The following SYS1 variants were observed in gnomAD, a reference collection of about 807,000 sequenced individuals.
The protein encoded by SYS1 is protein SYS1 homolog.
Under a neutral mutation model 17.8 loss-of-function variants are expected in SYS1, and 8 were observed. The ratio of observed to expected loss-of-function variants is 0.45; its 90% CI spans 0.26 to 0.81. SYS1 has a LOEUF of 0.81. Ranked by LOEUF, SYS1 falls within the 40% of genes least tolerant of loss-of-function variation. The pLI is 0.16. For synonymous variants in SYS1, 95 were observed against 90.9 expected, an observed-to-expected ratio of 1.05 and a Z score of -0.26; for missense variants, 161 against 203.9, an observed-to-expected ratio of 0.79 and a Z score of 1.28.
rs1340671997 is a variant in SYS1, at chr20:45,367,366, A to G, written c.*251A>G. 7.4e-7 allele frequency: 1 copy of G among 1,345,218 alleles called. No individual in the cohort carries two copies. The highest frequency in any genetic ancestry group is 3.1e-5 in the East Asian group (1 of 32,628). 83.3% of individuals were successfully genotyped at this position (1,345,218 alleles called of 1,614,324 possible). On this transcript the variant is annotated 3_prime_UTR_variant, in exon 4 of 4. Coordinates refer to ENST00000243918, the MANE Select transcript of SYS1 (RefSeq NM_033542.4). ...CAGGAAGGGGACCTCTTTGAGGGTAATAACAGAATTGGAACCATGCCACTC... is the reference window on the plus strand; with the variant it reads ...CAGGAAGGGGACCTCTTTGAGGGTAGTAACAGAATTGGAACCATGCCACTC...
chr20:45,371,715 A>C (rs1215293474), downstream of SYS1, among the ~76,000 whole-genome samples: 2 of 152,204 alleles, frequency 1.3e-5, no homozygotes. Flanking sequence ...TGTGAATGTA[A>C]ACGTACGTTT....
At position 45,368,026 on chromosome 20, in the gene SYS1, G is replaced by T; in HGVS notation, c.*911G>T. 2.0e-6 allele frequency: 2 copies of T among 985,518 alleles called. No homozygotes were observed. The highest frequency in any genetic ancestry group is 2.4e-6 in the Non-Finnish European group (2 of 830,028). 61.0% of individuals were successfully genotyped at this position (985,518 alleles called of 1,614,324 possible). A position where few individuals can be genotyped will look rare whatever the true frequency, so the allele number is the denominator to read the frequency against. On this transcript the variant is annotated 3_prime_UTR_variant, in exon 4 of 4. Coordinates refer to ENST00000243918, the MANE Select transcript of SYS1 (RefSeq NM_033542.4). ...ATAGTGCTGAGGGAGATAGGAATTTGCTGCTAAGATTTTTCTTTGGGGTGG... is the reference window on the plus strand; with the variant it reads ...ATAGTGCTGAGGGAGATAGGAATTTTCTGCTAAGATTTTTCTTTGGGGTGG...
At chr20:45,374,220 C>A (rs1185650338) in intron 3 of SYS1, 3 of 682,530 alleles carry the variant, frequency 4.4e-6, no homozygotes, top group East Asian at 5.4e-5. Context: ...GAAAGGGCTG[C>A]GGTATTTTCT....
At chr20:45,374,157 T>C, downstream of SYS1, 5 of 726,574 alleles carry the variant, frequency 6.9e-6, no homozygotes, top group East Asian at 1.3e-4. Context: ...CCCTTTAAGC[T>C]AGACCCGGTG....
At chr20:45,362,844 G>A (rs977913238), upstream of SYS1, among the ~76,000 whole-genome samples, 8 of 152,180 alleles carry the variant, frequency 5.3e-5, no homozygotes, top group African/African-American at 1.9e-4. Context: ...AAAACATTGA[G>A]AATTTAGGCT....
At chr20:45,375,258 T>G (rs760680260) in exon 4 of SYS1, 9 of 1,614,010 alleles carry the variant, frequency 5.6e-6, no homozygotes, top group Non-Finnish European at 7.6e-6. Context: ...TGAAGATGAC[T>G]CGGGGGCCCT....
exon 4 of SYS1, chr20:45,375,489 G>T (rs147626011): frequency 6.2e-7 from 1 of 1,611,432 alleles, no homozygotes; most frequent in Non-Finnish European, 8.5e-7. Flanking sequence ...GTTCCTTCTC[G>T]GAGCACCCGA....
At chr20:45,375,235 C>A in exon 4 of SYS1, 1 of 1,614,138 alleles carries the variant, frequency 6.2e-7, no homozygotes, top group Non-Finnish European at 8.5e-7. Context: ...AGTTCTATTG[C>A]GGTAGGGCTT....
At chr20:45,371,029 C>T (rs572711835), downstream of SYS1, among the ~76,000 whole-genome samples, 13 of 152,266 alleles carry the variant, frequency 8.5e-5, no homozygotes, top group African/African-American at 2.9e-4. Flanking sequence ...TAGAGAGCTG[C>T]AGTGGAGTGC....
rs1389041409 is a variant in SYS1 at position 45,367,894 on chromosome 20, C to T, written c.*779C>T. On this transcript the variant is annotated 3_prime_UTR_variant, in exon 4 of 4. Coordinates refer to ENST00000243918, the MANE Select transcript of SYS1 (RefSeq NM_033542.4). ...TAGGAATGACCAGGCACCCAGCTCC[C>T]ACTGGACTCCAATTTTTTTTCCTGC... is the stretch of plus-strand genomic sequence containing the variant. 1.0e-6 allele frequency: 1 copy of T among 985,674 alleles called. No individual in the cohort carries two copies. The highest frequency in any genetic ancestry group is 1.7e-5 in the African/African-American group (1 of 57,238). The allele number at this position is 985,674 out of a possible 1,614,324, so 61.1% of individuals were successfully genotyped here.
intron 1 of SYS1, 77 bp from the exon 2 acceptor site, chr20:45,363,451 TC>T: frequency 6.7e-7 from 1 of 1,500,880 alleles, no homozygotes; most frequent in Non-Finnish European, 8.9e-7. Context: ...ACCCCTTGGT[TC>T]CAGTCCCTCC....
chr20:45,362,355 A>T (rs1600742084), upstream of SYS1, among the ~76,000 whole-genome samples: 1 of 7,876 alleles, frequency 1.3e-4, no homozygotes, highest in African/African-American at 7.5e-4. Context: ...AATTTTATTT[A>T]TTTATTTATT....
At chr20:45,371,844 G>A (rs1351199128), downstream of SYS1, among the ~76,000 whole-genome samples, 3 of 152,342 alleles carry the variant, frequency 2.0e-5, no homozygotes, top group Non-Finnish European at 4.4e-5. Flanking sequence ...GTGGTGTGGC[G>A]TGGGAAAAGG....
exon 4 of SYS1, chr20:45,374,339 C>T: frequency 2.9e-6 from 2 of 681,020 alleles, no homozygotes; most frequent in South Asian, 3.2e-5. Flanking sequence ...GTGGCGAAGT[C>T]ACAGCTCACT....
chr20:45,370,318 C>G (rs1988535274), downstream of SYS1, among the ~76,000 whole-genome samples: 1 of 152,180 alleles, frequency 6.6e-6, no homozygotes, highest in Admixed American at 6.5e-5. Flanking sequence ...TACTAGCCCA[C>G]TACTGAGTTG....
At position 45,363,229 on chromosome 20, in the gene SYS1, C is replaced by G; in HGVS notation, c.-90C>G. The G allele has an allele frequency of 8.7e-7, 1 of 1,153,892 alleles. No homozygotes were observed. The highest frequency in any genetic ancestry group is 1.1e-6 in the Non-Finnish European group (1 of 932,014). 71.5% of individuals were successfully genotyped at this position (1,153,892 alleles called of 1,614,324 possible). A position where few individuals can be genotyped will look rare whatever the true frequency, so the allele number is the denominator to read the frequency against. ...CTCTAGGCCGGCAGCGCCTCTCCTCCATGGTCCTGTCTGTCAGCGCTGTTT... is the reference window on the plus strand; with the variant it reads ...CTCTAGGCCGGCAGCGCCTCTCCTCGATGGTCCTGTCTGTCAGCGCTGTTT... On this transcript the variant is annotated 5_prime_UTR_variant, in exon 1 of 4. Transcript: ENST00000243918.
chr20:45,364,465 C>CTTGTT (rs1988338178), intron 2 of SYS1, among the ~76,000 whole-genome samples: 1 of 80,130 alleles, frequency 1.2e-5, no homozygotes, highest in Non-Finnish European at 2.2e-5. Context: ...GAGCACAGTT[C>CTTGTT]TTTTTTTTTT....
downstream of SYS1, among the ~76,000 whole-genome samples, chr20:45,369,596 C>CTTT (rs573922300): frequency 6.9e-3 from 707 of 102,804 alleles, 17 homozygotes; most frequent in African/African-American, 0.026. Context: ...CAGAGATTTC[C>CTTT]TTTTTTTTTT....
rs1433416823 is a variant in SYS1 at position 45,368,918 on chromosome 20, G to A, written c.*1803G>A. 9.3e-6 allele frequency: 9 copies of A among 969,280 alleles called. No homozygotes were observed. The highest frequency in any genetic ancestry group is 1.1e-5 in the Non-Finnish European group (9 of 815,240). 60.0% of individuals were successfully genotyped at this position (969,280 alleles called of 1,614,324 possible). A position where few individuals can be genotyped will look rare whatever the true frequency, so the allele number is the denominator to read the frequency against. On this transcript the variant is annotated 3_prime_UTR_variant, in exon 4 of 4. Transcript: ENST00000243918. ...GCGCCTCTTTGGGATTCACTTCAAG[G>A]TCTTGTGCCTATTTTTCTGCATATC...
Sources: allele counts gnomAD v4.1 joint callset (sites outside exome capture counted in the v4.1 genomes callset), GRCh38; gene constraint gnomAD v4.1.1; transcripts MANE v1.5; gene names NCBI Gene and HGNC (gene_info 2026-07-23, HGNC 2026-07-21).